SPTB: variants seen among roughly 807,000 people sequenced by gnomAD.
SPTB encodes spectrin beta chain, erythrocytic.
SPTB carries 45 observed loss-of-function variants against 256.2 expected under a neutral mutation model. The ratio of observed to expected loss-of-function variants is 0.18; its 90% CI spans 0.14 to 0.23. The LOEUF is 0.23. SPTB is among the 10% of genes least tolerant of loss of function. The pLI, the probability that SPTB is intolerant of heterozygous loss-of-function variation, is 1.00. For missense variants in SPTB, 2,715 were observed against 3,040.4 expected (o/e 0.89, Z 2.52); for synonymous variants, 1,231 against 1,243.1 (o/e 0.99, Z 0.21).
In SPTB at chr14:64,790,533, C is replaced by A. The variant is rs2082651297; in HGVS notation, c.2804+1186G>T. On this transcript the variant is annotated intron_variant, in intron 15 of 35. Transcript: ENST00000644917. This position sits in a 1 kb window ranked among gnomAD's most constrained non-coding sequence, Gnocchi z 4.8. ...ACAAAGGAATCTCCTAAACCGCACT[C>A]TGCAGCTTGGGCTGCTAAGACAATC... 1.3e-5 allele frequency among the ~76,000 whole-genome samples: 2 copies of A among 152,236 alleles called. No individual in the cohort carries two copies. The highest frequency in any genetic ancestry group is 4.8e-5 in the African/African-American group (2 of 41,462).
chr14:64,752,417 C>T, intron 33 of SPTB: 1 of 459,164 alleles, frequency 2.2e-6, no homozygotes, highest in South Asian at 1.8e-5. Context: ...GCTGCAAAGC[C>T]ATTTTACGAA....
In SPTB at chr14:64,793,924, C is replaced by A; in HGVS notation, c.1796-57G>T. 6.5e-7 allele frequency: 1 copy of A among 1,546,064 alleles called. No individual in the cohort carries two copies. Among genetic ancestry groups the A allele is most frequent in the African/African-American group, 1.4e-5 (1 of 73,526 alleles). ...GGGGGATGGGCTTCATTTATGGGCA[C>A]GCTTCAGATAAGCTGCTAGGTTGGA... On this transcript the variant is annotated intron_variant, in intron 13 of 35. Transcript: ENST00000644917. This position sits in a 1 kb window ranked among gnomAD's most constrained non-coding sequence, Gnocchi z 7.0.
At chr14:64,817,091 G>T (rs951191256) in intron 2 of SPTB, among the ~76,000 whole-genome samples, 2 of 152,232 alleles carry the variant, frequency 1.3e-5, no homozygotes, top group African/African-American at 4.8e-5. Flanking sequence ...CCTTGGTTCT[G>T]TAAAGAGTTC....
Position 64,801,288 on chromosome 14 carries a change from C to T in SPTB, c.760G>A (p.Glu254Lys), listed in dbSNP as rs2082880985. ...GGCAGGGGTGGGTGTGGCTCACCTTCGGGGTCGAGGAGCGGGATGATGCCC... is the reference window on the plus strand; with the variant it reads ...GGCAGGGGTGGGTGTGGCTCACCTTTGGGGTCGAGGAGCGGGATGATGCCC... ...QLGIIPLLDP[E>K]DVFTENPDEK... Residue 254 changes from glutamate (E) to lysine (K), a missense_variant, in exon 7 of 36, where the codon GAA (glutamate) becomes AAA (lysine). Glu to Lys is a moderately conservative substitution (Grantham distance 56). Coordinates refer to ENST00000644917, the MANE Select transcript of SPTB (RefSeq NM_001355436.2). 1.2e-6 allele frequency: 2 copies of T among 1,613,284 alleles called. No individual in the cohort carries two copies. The highest frequency in any genetic ancestry group is 1.7e-6 in the Non-Finnish European group (2 of 1,179,416).
chr14:64,786,297 A>C lies in SPTB; in HGVS notation c.3561+107T>G. On this transcript the variant is annotated intron_variant, in intron 16 of 35. Transcript: ENST00000644917. This position sits in a 1 kb window ranked among gnomAD's most constrained non-coding sequence, Gnocchi z 5.6. ...TCCCCCATGAGTGAATACAGAGTACAAGACAAGAGTAATGTGGTCCCTGAG... is the reference window on the plus strand; with the variant it reads ...TCCCCCATGAGTGAATACAGAGTACCAGACAAGAGTAATGTGGTCCCTGAG... 1 of 1,450,976 alleles carries C rather than the reference A, an allele frequency of 6.9e-7. No homozygotes were observed. Among genetic ancestry groups the C allele is most frequent in the Non-Finnish European group, 9.6e-7 (1 of 1,041,654 alleles). 89.9% of individuals were successfully genotyped at this position (1,450,976 alleles called of 1,614,324 possible). A position where few individuals can be genotyped will look rare whatever the true frequency, so the allele number is the denominator to read the frequency against.
intron 32 of SPTB, among the ~76,000 whole-genome samples, chr14:64,761,470 G>A (rs989814949): frequency 2.0e-5 from 3 of 152,144 alleles, no homozygotes; most frequent in Non-Finnish European, 4.4e-5. Context: ...ATGGGGAAAG[G>A]CTCTTATGAG....
chr14:64,857,926 A>T (rs1387604095), intron 1 of SPTB, among the ~76,000 whole-genome samples: 1 of 152,220 alleles, frequency 6.6e-6, no homozygotes, highest in East Asian at 1.9e-4. Flanking sequence ...TGACAACAGT[A>T]GCTAGCATTT....
At chr14:64,834,770 A>C (rs918606383) in intron 1 of SPTB, among the ~76,000 whole-genome samples, 1 of 148,204 alleles carries the variant, frequency 6.7e-6, no homozygotes, top group Non-Finnish European at 1.5e-5. Context: ...CTTTGACTCA[A>C]CCCATGCCTC....
At position 64,749,910 on chromosome 14, in the gene SPTB, G is replaced by C; in HGVS notation, c.6776+71C>G. 6.2e-7 allele frequency: 1 copy of C among 1,600,046 alleles called. No homozygotes were observed. Among genetic ancestry groups the C allele is most frequent in the South Asian group, 1.1e-5 (1 of 90,628 alleles). On this transcript the variant is annotated intron_variant, in intron 34 of 35. Coordinates refer to ENST00000644917, the MANE Select transcript of SPTB (RefSeq NM_001355436.2). The surrounding 1 kb of genome is among the most constrained non-coding windows in gnomAD (Gnocchi z 4.7). The stretch of plus-strand genomic sequence containing the variant: ...AGGCCTGGCACTGGTCCCCTACAGA[G>C]GGCCTCTGCCCTGCCACTAATGCCA...
chr14:64,773,366 C>T lies in SPTB; in HGVS notation c.5032G>A (p.Val1678Met), dbSNP rs188341589. Residue 1678 changes from valine (V) to methionine (M), a missense_variant, in exon 25 of 36, where the codon GTG becomes ATG. Physicochemically the swap from Val to Met is conservative, Grantham distance 21. Coordinates refer to ENST00000644917, the MANE Select transcript of SPTB (RefSeq NM_001355436.2). ...AGCTTGCGCTTGCGCTCTTCCGCCA[C>T]GTCCTTCAGCCCTGCGTAGTGCTTG... Reference protein sequence around the residue: ...VDKHYAGLKDVAEERKRKLEN... With the variant: ...VDKHYAGLKDMAEERKRKLEN... 3.2e-5 allele frequency: 51 copies of T among 1,614,218 alleles called. No homozygotes were observed. Among genetic ancestry groups the T allele is most frequent in the East Asian group, 6.7e-5 (3 of 44,880 alleles).
chr14:64,767,801 G>A lies in SPTB; in HGVS notation c.6081C>T (p.Ala2027=). The change falls in exon 30 of 36, where the codon GCC becomes GCT. Residue 2027 remains alanine, a synonymous_variant. Coordinates refer to ENST00000644917, the MANE Select transcript of SPTB (RefSeq NM_001355436.2). ...DASVAEAWLI[A]QEPYLASGDF... is the part of the protein sequence containing the mutation. ...CCCCGCTGGCCAGGTAGGGCTCCTG[G>A]GCAATCAGCCACGCCTCAGCCACAG... 1.9e-6 allele frequency: 3 copies of A among 1,614,090 alleles called. No homozygotes were observed. The South Asian group carries it at 3.3e-5, about 18-fold the overall frequency.
intron 27 of SPTB, among the ~76,000 whole-genome samples, 161 bp downstream of exon 27, chr14:64,770,724 G>T (rs998314211): frequency 3.3e-5 from 5 of 152,194 alleles, no homozygotes; most frequent in African/African-American, 1.2e-4. Flanking sequence ...GGCCATTTCT[G>T]CCTCGATCCA....
In SPTB at chr14:64,825,269, G is replaced by T. The variant is rs1238894600; in HGVS notation, c.-51-2124C>A. Among the ~76,000 whole-genome samples, 2 of 152,146 alleles carry T rather than the reference G, an allele frequency of 1.3e-5. No homozygotes were observed. The highest frequency in any genetic ancestry group is 2.9e-5 in the Non-Finnish European group (2 of 68,024). On this transcript the variant is annotated intron_variant, in intron 1 of 35. Coordinates refer to ENST00000644917, the MANE Select transcript of SPTB (RefSeq NM_001355436.2). This position sits in a 1 kb window ranked among gnomAD's most constrained non-coding sequence, Gnocchi z 4.8. ...TTTGCCACTCAAGAGAAGGGAAGGT[G>T]CAAGGTGGGAAAACCAGTCATCATC...
intron 26 of SPTB, among the ~76,000 whole-genome samples, chr14:64,771,472 G>T (rs4899144): frequency 0.056 from 8,584 of 152,234 alleles, 288 homozygotes; most frequent in Non-Finnish European, 0.083. Flanking sequence ...AACAAACCCA[G>T]GAAGGAGGTA....
Position 64,799,878 on chromosome 14 carries a change from G to T in SPTB, c.933C>A (p.Ala311=), listed in dbSNP as rs140240770. The T allele has an allele frequency of 1.4e-5, 22 of 1,614,240 alleles. No individual in the cohort carries two copies. In the African/African-American group the frequency reaches 2.8e-4, roughly 21 times the overall value. Residue 311 remains alanine, a synonymous_variant, in exon 9 of 36, where the codon GCC becomes GCA. Coordinates refer to ENST00000644917, the MANE Select transcript of SPTB (RefSeq NM_001355436.2). ...GCTCGATCCAGGTGAGCAGGTCCGAGGCTAGCCCGCTGTACTTTTCAATCA... is the reference window on the plus strand; with the variant it reads ...GCTCGATCCAGGTGAGCAGGTCCGATGCTAGCCCGCTGTACTTTTCAATCA... ...EKMIEKYSGL[A]SDLLTWIEQT...
At chr14:64,875,702 C>T (rs931382194) in intron 1 of SPTB, among the ~76,000 whole-genome samples, 2 of 152,276 alleles carry the variant, frequency 1.3e-5, no homozygotes. Context: ...TGAGTCAATA[C>T]AAGCTGCTTC....
intron 32 of SPTB, among the ~76,000 whole-genome samples, chr14:64,765,552 G>A (rs2082157229): frequency 6.6e-6 from 1 of 152,182 alleles, no homozygotes; most frequent in Admixed American, 6.5e-5. Context: ...TTTCCGACAA[G>A]TTGGGGGGCT....
At chr14:64,857,577 CAAAAAAAAAAAAAAA>C (rs34021718) in intron 1 of SPTB, among the ~76,000 whole-genome samples, 1 of 61,354 alleles carries the variant, frequency 1.6e-5, no homozygotes, top group Non-Finnish European at 3.0e-5. Context: ...GACACTGCCT[CAAAAAAAAAAAAAAA>C]AAAAAAAAAA....
At position 64,795,320 on chromosome 14, in the gene SPTB, C is replaced by T. The variant is rs771446750; in HGVS notation, c.1644+17G>A. 5.2e-6 allele frequency: 8 copies of T among 1,547,356 alleles called. No individual in the cohort carries two copies. Among genetic ancestry groups the T allele is most frequent in the East Asian group, 4.7e-5 (2 of 42,740 alleles). On this transcript the variant is annotated intron_variant, in intron 12 of 35. Coordinates refer to ENST00000644917, the MANE Select transcript of SPTB (RefSeq NM_001355436.2). This position sits in a 1 kb window ranked among gnomAD's most constrained non-coding sequence, Gnocchi z 6.5. Reference sequence around the variant, plus strand: ...TGAGCACTGCAGGGCATGGCGGGGGCGGCCCCCAGGGCCCACCTTGATCTC... The same window carrying T: ...TGAGCACTGCAGGGCATGGCGGGGGTGGCCCCCAGGGCCCACCTTGATCTC...
Sources: allele counts gnomAD v4.1 joint callset (sites outside exome capture counted in the v4.1 genomes callset), GRCh38; gene constraint gnomAD v4.1.1; non-coding constraint Gnocchi (gnomAD v3.1); transcripts MANE v1.5; gene names NCBI Gene and HGNC (gene_info 2026-07-23, HGNC 2026-07-21).